The following FLRT2 variants were observed in gnomAD, a reference collection of about 807,000 sequenced individuals.
The protein encoded by FLRT2 is leucine-rich repeat transmembrane protein FLRT2.
FLRT2 carries 15 observed loss-of-function variants against 40.0 expected under a neutral mutation model. That is an observed-to-expected ratio of 0.38 (90% CI 0.25 to 0.58). The LOEUF is 0.58. Among genes scored for constraint, FLRT2 ranks in the 20% least tolerant of loss-of-function variants. The probability of loss-of-function intolerance (pLI) is 0.71; values close to 1 mark genes in which losing one functional copy is unlikely to be tolerated. For synonymous variants in FLRT2, 380 were observed against 336.8 expected (o/e 1.13, Z -1.41); for missense variants, 726 against 840.0 (o/e 0.86, Z 1.68).
chr14:85,587,905 G>A (rs1302554256), intron 1 of FLRT2, among the ~76,000 whole-genome samples: 1 of 151,822 alleles, frequency 6.6e-6, no homozygotes, highest in Non-Finnish European at 1.5e-5. Flanking sequence ...AAATGTTCTG[G>A]GGGACTGCTT....
At chr14:85,566,549 T>TTTTGTGTGTGTG (rs1555366636) in intron 1 of FLRT2, among the ~76,000 whole-genome samples, 2 of 130,826 alleles carry the variant, frequency 1.5e-5, no homozygotes, top group African/African-American at 2.6e-5. Flanking sequence ...ACTTCCATGG[T>TTTTGTGTGTGTG]TGTGTGTGTG....
At chr14:85,569,251 C>T (rs887024992) in intron 1 of FLRT2, among the ~76,000 whole-genome samples, 9 of 152,322 alleles carry the variant, frequency 5.9e-5, no homozygotes, top group Admixed American at 4.6e-4. Flanking sequence ...TGCCATCCGC[C>T]GACACCCTTG....
Position 85,623,610 on chromosome 14 carries a change from G to T in FLRT2, c.*113G>T. On this transcript the variant is annotated 3_prime_UTR_variant, in exon 2 of 2. Coordinates refer to ENST00000330753, the MANE Select transcript of FLRT2 (RefSeq NM_013231.6). ...TGATAAATGTTACACAGATGCATTT[G>T]TGCATTTGAATACTCTGTAATTTAT... 1.2e-6 allele frequency: 1 copy of T among 837,024 alleles called. No homozygotes were observed. Among genetic ancestry groups the T allele is most frequent in the South Asian group, 4.3e-5 (1 of 23,298 alleles). The allele number at this position is 837,024 out of a possible 1,614,324, so 51.8% of individuals were successfully genotyped here.
At chr14:85,533,881 C>G (rs967916333) in intron 1 of FLRT2, among the ~76,000 whole-genome samples, 2 of 151,894 alleles carry the variant, frequency 1.3e-5, no homozygotes, top group Non-Finnish European at 2.9e-5. Context: ...CAGCCGCCGC[C>G]GTCGCCGCCG....
chr14:85,600,097 G>A (rs1393507084), intron 1 of FLRT2, among the ~76,000 whole-genome samples: 1 of 152,150 alleles, frequency 6.6e-6, no homozygotes, highest in Non-Finnish European at 1.5e-5. Context: ...AGGAGGAGAG[G>A]CATGTGAGCG....
intron 1 of FLRT2, among the ~76,000 whole-genome samples, chr14:85,605,151 C>A (rs181615921): frequency 1.9e-4 from 29 of 152,202 alleles, no homozygotes; most frequent in Admixed American, 1.7e-3. Context: ...CCTACATTTC[C>A]CCACACCCCC....
chr14:85,588,334 G>A (rs1375728848), intron 1 of FLRT2, among the ~76,000 whole-genome samples: 1 of 151,972 alleles, frequency 6.6e-6, no homozygotes, highest in African/African-American at 2.4e-5. Context: ...TGCTTGAATT[G>A]TCTCTCGTGG....
At position 85,638,416 on chromosome 14, in the gene FLRT2, T is replaced by C. The variant is rs1256751538; in HGVS notation, c.*14919T>C. The C allele has an allele frequency of 6.6e-6, 1 of 152,326 alleles. No homozygotes were observed. Among genetic ancestry groups the C allele is most frequent in the Non-Finnish European group, 1.5e-5 (1 of 68,134 alleles). The allele number at this position is 152,326 out of a possible 1,614,324, so 9.4% of individuals were successfully genotyped here. ...TTACTCCAGCTCAGATCAGCTCTGA[T>C]GGGCTGCAGGCTCAGTTTAGGCTTC... On this transcript the variant is annotated 3_prime_UTR_variant, in exon 2 of 2. Transcript: ENST00000330753.
intron 1 of FLRT2, among the ~76,000 whole-genome samples, chr14:85,567,119 G>C (rs1055021084): frequency 6.6e-6 from 1 of 152,106 alleles, no homozygotes; most frequent in African/African-American, 2.4e-5. Flanking sequence ...TGGGTTTGGG[G>C]GAAGATACCT....
chr14:85,574,094 A>C (rs1891015495), intron 1 of FLRT2, among the ~76,000 whole-genome samples: 1 of 152,184 alleles, frequency 6.6e-6, no homozygotes, highest in Admixed American at 6.5e-5. Flanking sequence ...GAAACCGTGA[A>C]GCATACTAGT....
intron 1 of FLRT2, among the ~76,000 whole-genome samples, chr14:85,579,543 T>G (rs1353425958): frequency 6.6e-6 from 1 of 152,176 alleles, no homozygotes; most frequent in East Asian, 1.9e-4. Context: ...GTCCTCTCTT[T>G]TCTAGTATCT....
At chr14:85,618,639 G>GA (rs1893244569) in intron 1 of FLRT2, among the ~76,000 whole-genome samples, 1 of 151,962 alleles carries the variant, frequency 6.6e-6, no homozygotes, top group Non-Finnish European at 1.5e-5. Context: ...ACTGTCTCCC[G>GA]GGGACAAAAG....
At chr14:85,545,025 T>A (rs1187172026) in intron 1 of FLRT2, among the ~76,000 whole-genome samples, 2 of 152,122 alleles carry the variant, frequency 1.3e-5, no homozygotes, top group African/African-American at 4.8e-5. Context: ...GGGAAACTCG[T>A]GAAAAAACAC....
At chr14:85,531,121 T>C (rs1490095080) in intron 1 of FLRT2, 1 of 152,340 alleles carries the variant, frequency 6.6e-6, no homozygotes, top group Non-Finnish European at 1.5e-5. Context: ...CTGCTTGTCC[T>C]CTTCGGGCTG....
In FLRT2 at chr14:85,599,317, G is replaced by A. The variant is rs899334276; in HGVS notation, c.-376-21822G>A. 8.0e-5 allele frequency among the ~76,000 whole-genome samples: 12 copies of A among 150,882 alleles called. No individual in the cohort carries two copies. The East Asian group carries it at 2.4e-3, about 30-fold the overall frequency. ...TCAATAGGCTAAAAGTATTTGCAAG[G>A]TCAGAAATGGCCATATTTTGGCTGC... On this transcript the variant is annotated intron_variant, in intron 1 of 1. Transcript: ENST00000330753.
chr14:85,561,320 T>C (rs541025996), intron 1 of FLRT2: 4 of 152,360 alleles, frequency 2.6e-5, no homozygotes, highest in Non-Finnish European at 4.4e-5. Context: ...CAAGGTATCT[T>C]ACAATCTCAG....
At chr14:85,601,695 A>C (rs1182308009) in intron 1 of FLRT2, among the ~76,000 whole-genome samples, 1 of 152,234 alleles carries the variant, frequency 6.6e-6, no homozygotes, top group Non-Finnish European at 1.5e-5. Flanking sequence ...ACTAATGATA[A>C]TACTTGCCTT....
chr14:85,542,693 G>T (rs1274648644), intron 1 of FLRT2, among the ~76,000 whole-genome samples: 2 of 152,108 alleles, frequency 1.3e-5, no homozygotes, highest in African/African-American at 4.8e-5. Flanking sequence ...AAGTAGTTTT[G>T]TACTCAGATA....
At chr14:85,534,374 G>A (rs577113702) in intron 1 of FLRT2, among the ~76,000 whole-genome samples, 24 of 152,224 alleles carry the variant, frequency 1.6e-4, no homozygotes, top group African/African-American at 5.5e-4. Flanking sequence ...AATGATTTGA[G>A]CCCACTCCCT....
Sources: gnomAD v4.1 joint callset for allele counts (sites outside exome capture counted in the v4.1 genomes callset) on GRCh38, gnomAD v4.1.1 for gene constraint, MANE v1.5 for transcripts, NCBI Gene and HGNC (gene_info 2026-07-23, HGNC 2026-07-21) for gene names.